The following GLIS3 variants were observed in gnomAD, a reference collection of about 807,000 sequenced individuals.
GLIS3 encodes the protein GLIS family zinc finger 3, also known as zinc finger protein GLIS3.
In GLIS3, 53 loss-of-function variants were observed where a neutral mutation model predicts 78.6. The observed-to-expected ratio is 0.67, with a 90% CI of 0.54 to 0.85. The LOEUF is 0.85. GLIS3 is among the 40% of genes least tolerant of loss of function. The probability of loss-of-function intolerance (pLI) is 0.00; values close to 1 mark genes in which losing one functional copy is unlikely to be tolerated. For synonymous variants in GLIS3, 684 were observed against 509.9 expected, an observed-to-expected ratio of 1.34 and a Z score of -4.60; for missense variants, 1,703 against 1,231.1, an observed-to-expected ratio of 1.38 and a Z score of -5.74.
intron 4 of GLIS3, among the ~76,000 whole-genome samples, chr9:3,942,918 G>C (rs1463224972): frequency 6.6e-6 from 1 of 151,770 alleles, no homozygotes; most frequent in Non-Finnish European, 1.5e-5. Context: ...AAAGAAGAAA[G>C]GAAAGAACTA....
intron 4 of GLIS3, among the ~76,000 whole-genome samples, chr9:4,017,850 T>C (rs1822564605): frequency 6.6e-6 from 1 of 152,230 alleles, no homozygotes; most frequent in African/African-American, 2.4e-5. Flanking sequence ...GCTGTGTGAT[T>C]GCAAAGGTCA....
At chr9:4,108,724 C>G (rs78403756) in intron 4 of GLIS3, among the ~76,000 whole-genome samples, 2 of 152,162 alleles carry the variant, frequency 1.3e-5, no homozygotes, top group African/African-American at 4.8e-5. Context: ...AACAAACATT[C>G]TAAAACACAG....
intron 2 of GLIS3, among the ~76,000 whole-genome samples, chr9:4,319,212 C>T (rs73386228): frequency 0.073 from 11,079 of 152,134 alleles, 1,357 homozygotes; most frequent in African/African-American, 0.25. Flanking sequence ...AATGGTATTG[C>T]ATTAATCCTG....
chr9:4,381,210 A>C, the GLIS3 span, among the ~76,000 whole-genome samples: 1 of 152,210 alleles, frequency 6.6e-6, no homozygotes, highest in Non-Finnish European at 1.5e-5. Flanking sequence ...GTGGGGAAAT[A>C]AAATGAGTTC....
At chr9:4,200,489 C>G (rs1023698568) in intron 2 of GLIS3, among the ~76,000 whole-genome samples, 1 of 152,040 alleles carries the variant, frequency 6.6e-6, no homozygotes, top group African/African-American at 2.4e-5. Flanking sequence ...CAACCAATCC[C>G]AAAGAAACAC....
chr9:4,240,736 A>C (rs1036870548), intron 2 of GLIS3, among the ~76,000 whole-genome samples: 5 of 152,182 alleles, frequency 3.3e-5, no homozygotes, highest in African/African-American at 1.2e-4. Context: ...TAAAACCAAT[A>C]TTCAAACAAA....
chr9:4,144,166 T>G (rs1363862975), intron 2 of GLIS3, among the ~76,000 whole-genome samples: 1 of 152,138 alleles, frequency 6.6e-6, no homozygotes, highest in Admixed American at 6.5e-5. Flanking sequence ...TGTCCTGTCA[T>G]CTGACACCAC....
chr9:4,362,816 C>T, the GLIS3 span, among the ~76,000 whole-genome samples: 1 of 152,070 alleles, frequency 6.6e-6, no homozygotes. Context: ...TGCCAGAGAA[C>T]CCTGCTATCA....
At chr9:4,285,800 C>A in intron 2 of GLIS3, 1 of 556,024 alleles carries the variant, frequency 1.8e-6, no homozygotes, top group Non-Finnish European at 3.2e-6. Context: ...TTCTATCTTA[C>A]TGTTACTCTG....
At chr9:3,989,559 A>G (rs1820049726) in intron 4 of GLIS3, among the ~76,000 whole-genome samples, 1 of 152,212 alleles carries the variant, frequency 6.6e-6, no homozygotes, top group Non-Finnish European at 1.5e-5. Context: ...CAGCAATAAA[A>G]AGGAATACAA....
At chr9:4,166,684 A>G (rs926254488) in intron 2 of GLIS3, among the ~76,000 whole-genome samples, 2 of 152,226 alleles carry the variant, frequency 1.3e-5, no homozygotes, top group Admixed American at 1.3e-4. Context: ...TCGGTGTTCT[A>G]TAATTTCACT....
At chr9:4,342,386 G>A (rs1365167558) in intron 2 of GLIS3, among the ~76,000 whole-genome samples, 1 of 152,120 alleles carries the variant, frequency 6.6e-6, no homozygotes. Context: ...TGTTGATTTT[G>A]TCAAAGGTTG....
intron 2 of GLIS3, among the ~76,000 whole-genome samples, chr9:4,170,789 T>C (rs143218513): frequency 7.9e-4 from 120 of 152,146 alleles, no homozygotes; most frequent in Middle Eastern, 3.4e-3. Context: ...TAAATCCACA[T>C]AGGCAGGAGG....
intron 2 of GLIS3, among the ~76,000 whole-genome samples, chr9:4,321,944 A>C (rs2130548470): frequency 6.6e-6 from 1 of 152,214 alleles, no homozygotes; most frequent in Middle Eastern, 3.4e-3. Flanking sequence ...TTTGTTACAT[A>C]TGTATACAAG....
At chr9:4,266,711 C>G (rs1403009114) in intron 2 of GLIS3, among the ~76,000 whole-genome samples, 3 of 152,048 alleles carry the variant, frequency 2.0e-5, no homozygotes, top group Non-Finnish European at 4.4e-5. Flanking sequence ...AGTTATTTTA[C>G]TCCAAAATAT....
intron 4 of GLIS3, among the ~76,000 whole-genome samples, chr9:4,003,710 C>T (rs902891460): frequency 2.0e-5 from 3 of 152,234 alleles, no homozygotes; most frequent in Non-Finnish European, 2.9e-5. Flanking sequence ...AAATAAGGTG[C>T]TCCAGGGAGC....
At chr9:4,237,169 C>T (rs1012960405) in intron 2 of GLIS3, among the ~76,000 whole-genome samples, 3 of 151,902 alleles carry the variant, frequency 2.0e-5, no homozygotes, top group African/African-American at 4.8e-5. Flanking sequence ...CAAGGGAAAA[C>T]TGTATTATGT....
chr9:4,061,018 T>A (rs1826602432), intron 4 of GLIS3, among the ~76,000 whole-genome samples: 1 of 152,170 alleles, frequency 6.6e-6, no homozygotes, highest in Admixed American at 6.5e-5. Context: ...TTCTTCTGGT[T>A]CAGTTACACT....
At chr9:4,320,674 A>C (rs1455446717) in intron 2 of GLIS3, among the ~76,000 whole-genome samples, 1 of 151,802 alleles carries the variant, frequency 6.6e-6, no homozygotes, top group Admixed American at 6.6e-5. Context: ...CTCCATCATC[A>C]CCACCGCCAT....
Sources: gnomAD v4.1 joint callset for allele counts (sites outside exome capture counted in the v4.1 genomes callset) on GRCh38, gnomAD v4.1.1 for gene constraint, MANE v1.5 for transcripts, NCBI Gene and HGNC (gene_info 2026-07-23, HGNC 2026-07-21) for gene names.